GPHN: variants seen among roughly 807,000 people sequenced by gnomAD.
GPHN encodes gephyrin.
In GPHN, 17 loss-of-function variants were observed where a neutral mutation model predicts 95.5. The ratio of observed to expected loss-of-function variants is 0.18; its 90% CI spans 0.12 to 0.27. The LOEUF (loss-of-function observed/expected upper bound fraction) is 0.27, where lower values mean the gene tolerates loss of function less well. Among genes scored for constraint, GPHN ranks in the 10% least tolerant of loss-of-function variants. The pLI is 1.00. For synonymous variants in GPHN, 320 were observed against 322.5 expected (o/e 0.99, Z 0.08); for missense variants, 660 against 978.1 (o/e 0.67, Z 4.34).
the GPHN span, among the ~76,000 whole-genome samples, chr14:67,408,760 A>C: frequency 1.7e-3 from 260 of 152,338 alleles, 3 homozygotes; most frequent in Non-Finnish European, 7.2e-4. Context: ...TCTAGCCTCC[A>C]GAACTCCTTC....
At chr14:66,577,982 G>T (rs955500095) in intron 1 of GPHN, among the ~76,000 whole-genome samples, 2 of 151,838 alleles carry the variant, frequency 1.3e-5, no homozygotes, top group Non-Finnish European at 1.5e-5. Flanking sequence ...AAGGAATAAA[G>T]GAAGAGTGAA....
intron 11 of GPHN, among the ~76,000 whole-genome samples, chr14:67,076,047 T>C (rs1334266196): frequency 6.6e-6 from 1 of 152,188 alleles, no homozygotes; most frequent in East Asian, 1.9e-4. Flanking sequence ...GCTACAGAGA[T>C]ATCTTTCATG....
chr14:67,729,759 G>C, the GPHN span: 1 of 506,174 alleles, frequency 2.0e-6, no homozygotes, highest in Middle Eastern at 3.1e-4. Context: ...AAAGTGCTAG[G>C]GGAACGTCCT....
chr14:67,167,328 G>A (rs1260121123), intron 20 of GPHN, among the ~76,000 whole-genome samples: 1 of 152,114 alleles, frequency 6.6e-6, no homozygotes, highest in Non-Finnish European at 1.5e-5. Context: ...GTATTACATG[G>A]ATTTTATAAT....
At chr14:67,047,229 T>G (rs898213190) in intron 10 of GPHN, among the ~76,000 whole-genome samples, 5 of 152,056 alleles carry the variant, frequency 3.3e-5, no homozygotes, top group Admixed American at 1.3e-4. Context: ...GGTTCTGAAT[T>G]TAATCAAGAA....
chr14:67,340,358 TA>T, the GPHN span: 2 of 1,195,510 alleles, frequency 1.7e-6, no homozygotes, highest in Non-Finnish European at 2.5e-6. Flanking sequence ...CTAAAGAACA[TA>T]AACCAACAAG....
chr14:67,562,108 CA>C, the GPHN span: 2 of 1,611,288 alleles, frequency 1.2e-6, no homozygotes, highest in East Asian at 4.5e-5. Flanking sequence ...CGGGAGCTCT[CA>C]ATGTGACTGT....
intron 4 of GPHN, among the ~76,000 whole-genome samples, chr14:66,849,726 T>C (rs1228775839): frequency 2.0e-5 from 3 of 152,100 alleles, no homozygotes; most frequent in Admixed American, 1.3e-4. Flanking sequence ...GTTTTCTGTT[T>C]TGTTTTGTTT....
chr14:66,970,687 C>A (rs992517460), intron 9 of GPHN, among the ~76,000 whole-genome samples: 5 of 152,076 alleles, frequency 3.3e-5, no homozygotes, highest in Middle Eastern at 6.3e-3. Context: ...CTATACTAGA[C>A]ATCAAGCTTC....
the GPHN span, among the ~76,000 whole-genome samples, chr14:67,456,295 A>G: frequency 6.6e-6 from 1 of 152,206 alleles, no homozygotes; most frequent in Non-Finnish European, 1.5e-5. Context: ...CAGAATGACT[A>G]TCATTAAAAA....
At chr14:67,687,464 TTCC>T in the GPHN span, among the ~76,000 whole-genome samples, 1 of 107,692 alleles carries the variant, frequency 9.3e-6, no homozygotes, top group Non-Finnish European at 1.9e-5. Flanking sequence ...AGCCTCCATA[TTCC>T]TTTTTTTTTT....
At chr14:67,454,871 CTT>C in the GPHN span, among the ~76,000 whole-genome samples, 1 of 139,540 alleles carries the variant, frequency 7.2e-6, no homozygotes. Flanking sequence ...ATTCTTTCTC[CTT>C]TTTTTTTTTT....
the GPHN span, chr14:67,374,566 C>G: frequency 6.6e-7 from 1 of 1,504,810 alleles, no homozygotes; most frequent in African/African-American, 1.4e-5. Flanking sequence ...ATCTTTGAGT[C>G]AAATTAGTCC....
At chr14:66,530,953 A>ATTT (rs569763873) in intron 1 of GPHN, among the ~76,000 whole-genome samples, 4,747 of 121,116 alleles carry the variant, frequency 0.039, 324 homozygotes, top group African/African-American at 0.089. Flanking sequence ...TGTTTGTTAG[A>ATTT]TTTTTTTTTT....
the GPHN span, among the ~76,000 whole-genome samples, chr14:67,307,630 G>A: frequency 1.3e-5 from 2 of 152,198 alleles, no homozygotes; most frequent in Non-Finnish European, 1.5e-5. Context: ...CTTGGTGGAT[G>A]TGGGGAAAGG....
intron 2 of GPHN, chr14:66,709,328 C>T: frequency 6.6e-6 from 3 of 455,958 alleles, no homozygotes; most frequent in Middle Eastern, 3.3e-4. Flanking sequence ...TCACATTAAG[C>T]CTGTACTGTA....
chr14:67,690,384 T>C, the GPHN span: 1 of 1,614,202 alleles, frequency 6.2e-7, no homozygotes, highest in South Asian at 1.1e-5. Flanking sequence ...CTGATTCCTT[T>C]AGTTTCTCTA....
intron 3 of GPHN, among the ~76,000 whole-genome samples, chr14:66,791,767 G>A (rs931287084): frequency 2.0e-5 from 3 of 152,204 alleles, no homozygotes; most frequent in Admixed American, 1.3e-4. Context: ...TTATCAGCAA[G>A]GTCTTCATGA....
At chr14:66,708,140 T>G (rs111808672) in intron 2 of GPHN, among the ~76,000 whole-genome samples, 17 of 152,222 alleles carry the variant, frequency 1.1e-4, no homozygotes, top group Non-Finnish European at 2.1e-4. Context: ...AGGGTACTTA[T>G]GTTGATTTAA....
Sources: gnomAD v4.1 joint callset for allele counts (sites outside exome capture counted in the v4.1 genomes callset) on GRCh38, gnomAD v4.1.1 for gene constraint, MANE v1.5 for transcripts, NCBI Gene and HGNC (gene_info 2026-07-23, HGNC 2026-07-21) for gene names.